SH3GL2: variants seen among roughly 807,000 people sequenced by gnomAD.
SH3GL2 encodes SH3 domain containing GRB2 like 2, endophilin A1.
Under a neutral mutation model 46.0 loss-of-function variants are expected in SH3GL2, and 24 were observed. That is an observed-to-expected ratio of 0.52 (90% CI 0.38 to 0.73). SH3GL2 has a LOEUF of 0.73. Ranked by LOEUF, SH3GL2 falls within the 30% of genes least tolerant of loss-of-function variation. SH3GL2 has a pLI of 0.00. For missense variants in SH3GL2, 413 were observed against 424.2 expected (o/e 0.97, Z 0.23); for synonymous variants, 196 against 147.1 (o/e 1.33, Z -2.40).
At chr9:17,709,552 G>T (rs749981878) in intron 1 of SH3GL2, among the ~76,000 whole-genome samples, 29 of 151,782 alleles carry the variant, frequency 1.9e-4, no homozygotes, top group Non-Finnish European at 4.1e-4. Context: ...GCATCCTAAA[G>T]GAGCTTACAA....
chr9:17,770,003 T>A (rs2131163282), intron 3 of SH3GL2, among the ~76,000 whole-genome samples: 1 of 152,334 alleles, frequency 6.6e-6, no homozygotes, highest in Non-Finnish European at 1.5e-5. Context: ...ATTTGCTTAA[T>A]GAATGAATCA....
chr9:17,760,516 G>A (rs1165913662), intron 2 of SH3GL2, among the ~76,000 whole-genome samples: 3 of 151,906 alleles, frequency 2.0e-5, no homozygotes, highest in African/African-American at 7.3e-5. Context: ...TATACCACTA[G>A]GTACAGCAGG....
Position 17,795,775 on chromosome 9 carries a change from AC to A in SH3GL2, c.*35del. On this transcript the variant is annotated 3_prime_UTR_variant, in exon 9 of 9. Transcript: ENST00000380607. ...ATGCTGGCTGGCTCGCCTCCTCTTG[AC>A]CCAGATAGTTACGGTTAACCACTGC... 1 of 1,562,200 alleles carries A rather than the reference AC, an allele frequency of 6.4e-7. No homozygotes were observed. Among genetic ancestry groups the A allele is most frequent in the Non-Finnish European group, 8.8e-7 (1 of 1,136,446 alleles).
chr9:17,666,233 C>T (rs1415534981), intron 1 of SH3GL2, among the ~76,000 whole-genome samples: 4 of 151,698 alleles, frequency 2.6e-5, no homozygotes, highest in African/African-American at 9.7e-5. Flanking sequence ...TTACTGTGTT[C>T]TTTATTTGAA....
At chr9:17,731,730 T>C (rs571005908) in intron 1 of SH3GL2, among the ~76,000 whole-genome samples, 20 of 152,170 alleles carry the variant, frequency 1.3e-4, no homozygotes, top group Non-Finnish European at 2.8e-4. Context: ...ATGGAAGCCT[T>C]AGTTTAGTCC....
At chr9:17,709,714 C>G (rs1025782980) in intron 1 of SH3GL2, among the ~76,000 whole-genome samples, 1 of 145,964 alleles carries the variant, frequency 6.9e-6, no homozygotes, top group Non-Finnish European at 1.5e-5. Context: ...CACACACACA[C>G]GTTTAACCTG....
intron 1 of SH3GL2, among the ~76,000 whole-genome samples, chr9:17,741,251 CA>C (rs1438940588): frequency 6.6e-6 from 1 of 152,108 alleles, no homozygotes; most frequent in East Asian, 1.9e-4. Flanking sequence ...TATTTTCTAT[CA>C]AATGTATGTG....
chr9:17,742,307 A>G (rs1262518172), intron 1 of SH3GL2, among the ~76,000 whole-genome samples: 1 of 152,140 alleles, frequency 6.6e-6, no homozygotes, highest in Non-Finnish European at 1.5e-5. Context: ...GGGGAGGATG[A>G]GTCATTATTG....
intron 3 of SH3GL2, among the ~76,000 whole-genome samples, chr9:17,779,187 G>A (rs1403096127): frequency 1.3e-5 from 2 of 152,066 alleles, no homozygotes; most frequent in African/African-American, 4.8e-5. Context: ...CTAACCCACT[G>A]GATAGTCCAA....
chr9:17,702,689 A>G (rs1821368421), intron 1 of SH3GL2, among the ~76,000 whole-genome samples: 1 of 152,156 alleles, frequency 6.6e-6, no homozygotes, highest in East Asian at 1.9e-4. Context: ...TACAATTAGG[A>G]AATTAGTGAT....
At chr9:17,779,552 G>A (rs536117566) in intron 3 of SH3GL2, among the ~76,000 whole-genome samples, 55 of 152,212 alleles carry the variant, frequency 3.6e-4, no homozygotes, top group African/African-American at 1.3e-3. Context: ...AACCCACAGA[G>A]TTGTGAAGAT....
intron 2 of SH3GL2, among the ~76,000 whole-genome samples, chr9:17,753,453 T>G (rs1041140698): frequency 6.6e-6 from 1 of 152,248 alleles, no homozygotes; most frequent in African/African-American, 2.4e-5. Context: ...TCTCATATGT[T>G]TCTTGGCCAC....
intron 1 of SH3GL2, among the ~76,000 whole-genome samples, chr9:17,650,564 G>T (rs1319693230): frequency 6.6e-6 from 1 of 151,894 alleles, no homozygotes; most frequent in African/African-American, 2.4e-5. Flanking sequence ...TAGAGACAGG[G>T]TTTCACCATG....
At chr9:17,599,850 TA>T (rs1359617941) in intron 1 of SH3GL2, among the ~76,000 whole-genome samples, 2 of 152,160 alleles carry the variant, frequency 1.3e-5, no homozygotes, top group East Asian at 3.8e-4. Flanking sequence ...TTTTTTTTGA[TA>T]TTTCCTTTAA....
intron 2 of SH3GL2, among the ~76,000 whole-genome samples, chr9:17,750,392 T>A (rs1412596451): frequency 6.6e-6 from 1 of 152,090 alleles, no homozygotes; most frequent in Non-Finnish European, 1.5e-5. Flanking sequence ...TGGGTTTTCC[T>A]AGGGGTGTTT....
chr9:17,681,485 A>G (rs942281942), intron 1 of SH3GL2, among the ~76,000 whole-genome samples: 1 of 152,144 alleles, frequency 6.6e-6, no homozygotes, highest in African/African-American at 2.4e-5. Context: ...TGAATTAAGA[A>G]AACATGGGCT....
At chr9:17,658,269 G>A (rs1820137847) in intron 1 of SH3GL2, among the ~76,000 whole-genome samples, 1 of 152,176 alleles carries the variant, frequency 6.6e-6, no homozygotes, top group African/African-American at 2.4e-5. Context: ...TACTATTTCA[G>A]ATCTGTTTTG....
At position 17,581,026 on chromosome 9, in the gene SH3GL2, C is replaced by T. The variant is rs1314241789; in HGVS notation, c.45+1739C>T. Among the ~76,000 whole-genome samples the T allele has an allele frequency of 2.6e-5, 4 of 152,258 alleles. No individual in the cohort carries two copies. The East Asian group carries it at 7.7e-4, about 29-fold the overall frequency. On this transcript the variant is annotated intron_variant, in intron 1 of 8. Transcript: ENST00000380607. Reference sequence around the variant, plus strand: ...TCCATGCTGAAGTGATGATAATTTCCGTTGTCTCTTCAGGGTTGAGGTGAA... The same window carrying T: ...TCCATGCTGAAGTGATGATAATTTCTGTTGTCTCTTCAGGGTTGAGGTGAA...
chr9:17,582,685 G>A (rs751785929), intron 1 of SH3GL2, among the ~76,000 whole-genome samples: 1 of 152,178 alleles, frequency 6.6e-6, no homozygotes, highest in African/African-American at 2.4e-5. Context: ...AAACTGAGTC[G>A]TTTCAACGAC....
Sources: gnomAD v4.1 joint callset for allele counts (sites outside exome capture counted in the v4.1 genomes callset) on GRCh38, gnomAD v4.1.1 for gene constraint, MANE v1.5 for transcripts, NCBI Gene and HGNC (gene_info 2026-07-23, HGNC 2026-07-21) for gene names.